The following TENM1 variants were observed in gnomAD, a reference collection of about 807,000 sequenced individuals.
TENM1 encodes teneurin-1.
Under a neutral mutation model 174.8 loss-of-function variants are expected in TENM1, and 35 were observed. That is an observed-to-expected ratio of 0.20 (90% CI 0.15 to 0.27). TENM1 has a LOEUF of 0.27. Among genes scored for constraint, TENM1 ranks in the 10% least tolerant of loss-of-function variants. The probability of loss-of-function intolerance (pLI) is 1.00; values close to 1 mark genes in which losing one functional copy is unlikely to be tolerated. For missense variants in TENM1, 1,633 were observed against 2,130.1 expected (o/e 0.77, Z 4.59); for synonymous variants, 781 against 798.7 (o/e 0.98, Z 0.37).
intron 5 of TENM1, among the ~76,000 whole-genome samples, chrX:124,702,460 A>G (rs1435284549): frequency 8.9e-6 from 1 of 112,380 alleles, no homozygotes; most frequent in Non-Finnish European, 1.9e-5. Context: ...ATATTTCTGC[A>G]TCTAAAAAAT....
the TENM1 span, among the ~76,000 whole-genome samples, chrX:125,021,732 T>A: frequency 8.9e-6 from 1 of 112,590 alleles, no homozygotes; most frequent in East Asian, 2.8e-4. Flanking sequence ...GCAATAAAGC[T>A]TTTTTATGGG....
At chrX:124,650,911 T>C (rs2051289463) in intron 8 of TENM1, among the ~76,000 whole-genome samples, 1 of 112,098 alleles carries the variant, frequency 8.9e-6, no homozygotes, top group Admixed American at 9.5e-5. Context: ...GTTTTGATAA[T>C]CTTACGGCTG....
At chrX:124,916,326 G>A (rs2057923666) in intron 1 of TENM1, among the ~76,000 whole-genome samples, 1 of 109,827 alleles carries the variant, frequency 9.1e-6, no homozygotes, top group Non-Finnish European at 1.9e-5. Flanking sequence ...TTTTCTTTTT[G>A]AGATCTGGTC....
At chrX:125,026,784 T>C in the TENM1 span, among the ~76,000 whole-genome samples, 7 of 112,015 alleles carry the variant, frequency 6.2e-5, no homozygotes, top group African/African-American at 1.9e-4. Context: ...CGAAAACATA[T>C]GTCATTTGAA....
At chrX:124,465,438 A>AT (rs1396185250) in intron 22 of TENM1, among the ~76,000 whole-genome samples, 1 of 110,491 alleles carries the variant, frequency 9.1e-6, no homozygotes, top group African/African-American at 3.3e-5. Flanking sequence ...TTTTGTAGAT[A>AT]TGGGGGTCTC....
chrX:124,593,500 G>A (rs773355364), intron 11 of TENM1, among the ~76,000 whole-genome samples: 3 of 110,780 alleles, frequency 2.7e-5, no homozygotes, highest in African/African-American at 3.3e-5. Flanking sequence ...AGGGTGAGGC[G>A]GCTCAGGCTG....
At chrX:124,830,832 AC>A (rs2056272876) in intron 3 of TENM1, among the ~76,000 whole-genome samples, 1 of 112,332 alleles carries the variant, frequency 8.9e-6, no homozygotes, top group Admixed American at 9.4e-5. Context: ...AAAGATTTTT[AC>A]AAAGTTTGGA....
chrX:124,905,434 G>A (rs2057731947), intron 1 of TENM1, among the ~76,000 whole-genome samples: 1 of 112,060 alleles, frequency 8.9e-6, no homozygotes, highest in South Asian at 3.7e-4. Flanking sequence ...AAATTCTGGA[G>A]AAGACTTCCA....
intron 23 of TENM1, among the ~76,000 whole-genome samples, chrX:124,439,758 A>ATAC (rs753793917): frequency 8.1e-5 from 9 of 111,304 alleles, no homozygotes; most frequent in Admixed American, 6.7e-4. Context: ...AGAAGGTCAA[A>ATAC]TACTACTACT....
chrX:124,968,430 T>C (rs1410288422), upstream of TENM1, among the ~76,000 whole-genome samples: 2 of 111,654 alleles, frequency 1.8e-5, no homozygotes, highest in East Asian at 5.6e-4. Context: ...CCCTTAATTT[T>C]ATGCATGGAA....
intron 3 of TENM1, among the ~76,000 whole-genome samples, chrX:124,868,150 G>A (rs751539390): frequency 2.7e-5 from 3 of 111,810 alleles, no homozygotes; most frequent in African/African-American, 3.3e-5. Flanking sequence ...TATATGGAAC[G>A]ATAAAAGAGC....
At chrX:124,740,182 G>A (rs2053767114) in intron 3 of TENM1, among the ~76,000 whole-genome samples, 1 of 111,708 alleles carries the variant, frequency 9.0e-6, no homozygotes, top group Non-Finnish European at 1.9e-5. Context: ...AAGAAAAAGA[G>A]GAGTCAATTT....
the TENM1 span, among the ~76,000 whole-genome samples, chrX:125,181,605 A>AT: frequency 9.0e-6 from 1 of 111,513 alleles, no homozygotes; most frequent in Non-Finnish European, 1.9e-5. Flanking sequence ...AAAAAAGATA[A>AT]TTTTTTACTT....
At chrX:124,872,564 A>G (rs2057130563) in intron 3 of TENM1, among the ~76,000 whole-genome samples, 1 of 112,312 alleles carries the variant, frequency 8.9e-6, no homozygotes, top group Non-Finnish European at 1.9e-5. Context: ...AAAATCAACC[A>G]TTTAGCATAA....
At chrX:124,645,037 ATT>A in intron 10 of TENM1, 104 bp downstream of exon 13, 2 of 770,732 alleles carry the variant, frequency 2.6e-6, no homozygotes, top group Non-Finnish European at 3.8e-6. Context: ...CTGAGCATTT[ATT>A]GTTTGCAAAG....
chrX:124,966,361 A>T (rs1273590491), upstream of TENM1, among the ~76,000 whole-genome samples: 1 of 111,725 alleles, frequency 9.0e-6, no homozygotes, highest in African/African-American at 3.3e-5. Flanking sequence ...TGTGCCTCAC[A>T]GCCTTTGCAA....
chrX:124,581,231 A>C (rs2049300608), intron 11 of TENM1, among the ~76,000 whole-genome samples: 1 of 108,285 alleles, frequency 9.2e-6, no homozygotes, highest in Non-Finnish European at 1.9e-5. Context: ...CGTCCGGCTA[A>C]TTTTTTTGTA....
chrX:124,391,675 A>G (rs192315677), intron 28 of TENM1, among the ~76,000 whole-genome samples: 1 of 111,874 alleles, frequency 8.9e-6, no homozygotes, highest in Non-Finnish European at 1.9e-5. Flanking sequence ...TCTGGGTAAA[A>G]AGCCCTTTAC....
chrX:124,487,331 T>G (rs189343943), intron 20 of TENM1, 102 bp from the exon 24 acceptor site: 15 of 760,743 alleles, frequency 2.0e-5, no homozygotes, highest in Admixed American at 2.9e-5. Context: ...AATTCCTAAC[T>G]CAGATTGCGG....
Sources: gnomAD v4.1 joint callset for allele counts (sites outside exome capture counted in the v4.1 genomes callset) on GRCh38, gnomAD v4.1.1 for gene constraint, MANE v1.5 for transcripts, NCBI Gene and HGNC (gene_info 2026-07-23, HGNC 2026-07-21) for gene names.